DCC: variants seen among roughly 807,000 people sequenced by gnomAD.
DCC encodes netrin receptor DCC.
DCC carries 58 observed loss-of-function variants against 172.5 expected under a neutral mutation model. That is an observed-to-expected ratio of 0.34 (90% CI 0.27 to 0.42). DCC has a LOEUF of 0.42. Among genes scored for constraint, DCC ranks in the 10% least tolerant of loss-of-function variants. DCC has a pLI of 1.00. For synonymous variants in DCC, 709 were observed against 644.5 expected (o/e 1.10, Z -1.52); for missense variants, 1,740 against 1,791.0 (o/e 0.97, Z 0.51).
intron 1 of DCC, among the ~76,000 whole-genome samples, chr18:52,484,715 G>A (rs2030124289): frequency 1.3e-5 from 2 of 151,704 alleles, no homozygotes. Context: ...AAAAGAAATT[G>A]AGTGGCTTGC....
At chr18:52,440,412 G>T (rs1987937895) in intron 1 of DCC, among the ~76,000 whole-genome samples, 1 of 152,116 alleles carries the variant, frequency 6.6e-6, no homozygotes, top group Admixed American at 6.6e-5. Context: ...AATATTTATA[G>T]TACTTCCATA....
At chr18:52,426,284 T>C (rs542481992) in intron 1 of DCC, among the ~76,000 whole-genome samples, 1 of 144,472 alleles carries the variant, frequency 6.9e-6, no homozygotes, top group East Asian at 2.1e-4. Context: ...TAAAGTCAGC[T>C]GTAGTGCCAG....
intron 1 of DCC, among the ~76,000 whole-genome samples, chr18:52,439,633 C>G (rs1987912222): frequency 1.3e-5 from 2 of 152,166 alleles, no homozygotes; most frequent in Admixed American, 1.3e-4. Flanking sequence ...CAGATTAATT[C>G]AACCTGTTAA....
At chr18:52,498,941 T>C (rs1412995632) in intron 1 of DCC, among the ~76,000 whole-genome samples, 1 of 152,176 alleles carries the variant, frequency 6.6e-6, no homozygotes, top group African/African-American at 2.4e-5. Context: ...AGGGCTTTAA[T>C]ATGTGAACTG....
At chr18:52,953,020 A>C (rs1002776650) in intron 5 of DCC, among the ~76,000 whole-genome samples, 9 of 150,964 alleles carry the variant, frequency 6.0e-5, no homozygotes, top group South Asian at 2.1e-4. Flanking sequence ...AAAAAAAAAA[A>C]AAAAAAAACT....
intron 1 of DCC, among the ~76,000 whole-genome samples, chr18:52,627,036 G>A (rs2034587228): frequency 6.6e-6 from 1 of 152,020 alleles, no homozygotes; most frequent in Non-Finnish European, 1.5e-5. Flanking sequence ...TGACATATCA[G>A]GCTGTTCTTT....
In DCC at chr18:52,805,042, C is replaced by G. The variant is rs539450024; in HGVS notation, c.412+52668C>G. Among the ~76,000 whole-genome samples, 3 of 152,228 alleles carry G rather than the reference C, an allele frequency of 2.0e-5. No individual in the cohort carries two copies. In the East Asian group the frequency reaches 5.8e-4, roughly 29 times the overall value. ...TAAATGTGTAATTTTAAACAAATTT[C>G]TTAATCTCTGTGAGCCTTTGCTTCT... is the stretch of plus-strand genomic sequence containing the variant. On this transcript the variant is annotated intron_variant, in intron 2 of 28. Coordinates refer to ENST00000442544, the MANE Select transcript of DCC (RefSeq NM_005215.4).
At chr18:53,008,564 T>G (rs1475004181) in intron 5 of DCC, among the ~76,000 whole-genome samples, 1 of 152,114 alleles carries the variant, frequency 6.6e-6, no homozygotes, top group East Asian at 1.9e-4. Flanking sequence ...AATATATCCA[T>G]ATTAAATATT....
rs899024756 is a variant in DCC at position 53,455,852 on chromosome 18, T to C, written c.3393-3380T>C. Among the ~76,000 whole-genome samples the C allele has an allele frequency of 2.0e-5, 3 of 152,248 alleles. No homozygotes were observed. The South Asian group carries it at 6.2e-4, about 32-fold the overall frequency. ...TCCCAGGAGCCATGCCATGTTACAA[T>C]CATTTTTTAAGCTTTCAATGCCTCC... On this transcript the variant is annotated intron_variant, in intron 23 of 28. Coordinates refer to ENST00000442544, the MANE Select transcript of DCC (RefSeq NM_005215.4).
intron 1 of DCC, among the ~76,000 whole-genome samples, chr18:52,492,101 C>T (rs959419925): frequency 6.6e-6 from 1 of 151,848 alleles, no homozygotes; most frequent in Admixed American, 6.6e-5. Context: ...AGTAATTTCA[C>T]AAATGAGAGG....
At chr18:53,235,649 C>T (rs2056190332) in intron 12 of DCC, among the ~76,000 whole-genome samples, 1 of 151,680 alleles carries the variant, frequency 6.6e-6, no homozygotes, top group Non-Finnish European at 1.5e-5. Flanking sequence ...ACCATTTCAA[C>T]TGTTTTTAAG....
intron 12 of DCC, 107 bp downstream of exon 12, chr18:53,215,704 G>A (rs1321892557): frequency 1.1e-6 from 1 of 883,448 alleles, no homozygotes; most frequent in African/African-American, 1.6e-5. Flanking sequence ...TGGCTTCCAT[G>A]TGCAGAAATG....
chr18:53,468,363 T>TTTATTTATTTTATTTA (rs1555675962), intron 25 of DCC, among the ~76,000 whole-genome samples: 9 of 54,718 alleles, frequency 1.6e-4, no homozygotes, highest in African/African-American at 2.6e-4. Flanking sequence ...TATTTATTTA[T>TTTATTTATTTTATTTA]TTTATTTATT....
chr18:52,521,574 G>A (rs1330962526), intron 1 of DCC, among the ~76,000 whole-genome samples: 1 of 152,020 alleles, frequency 6.6e-6, no homozygotes, highest in Non-Finnish European at 1.5e-5. Context: ...ATATATTCGT[G>A]GCAGGGTGGG....
chr18:53,121,606 T>C (rs912943176), intron 7 of DCC, among the ~76,000 whole-genome samples: 10 of 151,996 alleles, frequency 6.6e-5, no homozygotes, highest in Non-Finnish European at 1.2e-4. Context: ...TGTAAATCTA[T>C]TTTTAATATT....
chr18:53,070,840 C>T (rs1254816799), intron 7 of DCC, among the ~76,000 whole-genome samples: 1 of 152,146 alleles, frequency 6.6e-6, no homozygotes, highest in Non-Finnish European at 1.5e-5. Flanking sequence ...TTTTTCCTGG[C>T]TATTTAATCA....
intron 13 of DCC, among the ~76,000 whole-genome samples, chr18:53,309,974 A>ATATATATG (rs2057247564): frequency 6.8e-6 from 1 of 147,994 alleles, no homozygotes; most frequent in African/African-American, 2.5e-5. Context: ...GTATATATAT[A>ATATATATG]TATATATACT....
In DCC at chr18:53,116,286, C is replaced by T. The variant is rs117035425; in HGVS notation, c.1262-41070C>T. 5.7e-3 allele frequency among the ~76,000 whole-genome samples: 859 copies of T among 151,840 alleles called. 6 individuals carry two copies. The highest frequency in any genetic ancestry group is 0.023 in the Admixed American group (351 of 15,220). On this transcript the variant is annotated intron_variant, in intron 7 of 28. Transcript: ENST00000442544. The stretch of plus-strand genomic sequence containing the variant: ...CCGAGCATAGGAGCTCAAAAAGCTC[C>T]GTTACAGAATTTTTGGGAGTTTAAA...
intron 27 of DCC, among the ~76,000 whole-genome samples, chr18:53,518,575 C>T (rs1003376435): frequency 6.6e-6 from 1 of 152,152 alleles, no homozygotes; most frequent in African/African-American, 2.4e-5. Context: ...TGCTCTTCTG[C>T]ACCTGAGGCA....
Sources: allele counts gnomAD v4.1 joint callset (sites outside exome capture counted in the v4.1 genomes callset), GRCh38; gene constraint gnomAD v4.1.1; transcripts MANE v1.5; gene names NCBI Gene and HGNC (gene_info 2026-07-23, HGNC 2026-07-21).